Variants in ASCC2 observed in about 807,000 individuals in gnomAD.
ASCC2 encodes the protein ASC-1 complex subunit P100.
In ASCC2, 42 loss-of-function variants were observed where a neutral mutation model predicts 93.5. That is an observed-to-expected ratio of 0.45 (90% CI 0.35 to 0.58). The LOEUF is 0.58. ASCC2 is among the 20% of genes least tolerant of loss of function. The pLI is 0.00. For synonymous variants in ASCC2, 364 were observed against 384.2 expected, an observed-to-expected ratio of 0.95 and a Z score of 0.62; for missense variants, 859 against 977.6, an observed-to-expected ratio of 0.88 and a Z score of 1.62.
chr22:29,804,065 G>C (rs960333259), intron 13 of ASCC2, among the ~76,000 whole-genome samples: 1 of 152,226 alleles, frequency 6.6e-6, no homozygotes, highest in Non-Finnish European at 1.5e-5. Context: ...GAGCTGCCTC[G>C]CCTGAGTCTG....
intron 5 of ASCC2, among the ~76,000 whole-genome samples, chr22:29,817,122 C>A (rs890634464): frequency 6.6e-6 from 1 of 152,136 alleles, no homozygotes; most frequent in Non-Finnish European, 1.5e-5. Flanking sequence ...TAAGCACTTT[C>A]CTGGATGCCA....
At chr22:29,833,551 G>GTGA in intron 1 of ASCC2, 1 of 470,790 alleles carries the variant, frequency 2.1e-6, no homozygotes, top group Non-Finnish European at 4.4e-6. Context: ...CTCACAGTCA[G>GTGA]TGAGTGGCAG....
chr22:29,796,131 C>T (rs1186471358), intron 15 of ASCC2, among the ~76,000 whole-genome samples: 5 of 150,432 alleles, frequency 3.3e-5, no homozygotes, highest in Admixed American at 6.6e-5. Flanking sequence ...TTTTTTGAGA[C>T]GGACTCTTGC....
intron 5 of ASCC2, 182 bp downstream of exon 5, chr22:29,822,153 G>A (rs934852273): frequency 1.4e-6 from 1 of 723,778 alleles, no homozygotes; most frequent in Non-Finnish European, 2.3e-6. Flanking sequence ...CACCTCCCTA[G>A]GTAGTGTCAC....
intron 8 of ASCC2, among the ~76,000 whole-genome samples, chr22:29,808,746 A>G (rs1357835967): frequency 6.6e-6 from 1 of 150,972 alleles, no homozygotes; most frequent in African/African-American, 2.4e-5. Context: ...CAGGAGGTCA[A>G]GGCTATAGTG....
At chr22:29,805,087 T>C (rs2059526238) in intron 12 of ASCC2, among the ~76,000 whole-genome samples, 1 of 152,012 alleles carries the variant, frequency 6.6e-6, no homozygotes, top group African/African-American at 2.4e-5. Context: ...GCCATCAGAG[T>C]GTCCTGGGGC....
chr22:29,806,639 C>T, intron 10 of ASCC2, 86 bp from the exon 11 acceptor site: 1 of 1,475,280 alleles, frequency 6.8e-7, no homozygotes, highest in Admixed American at 1.8e-5. Context: ...CTCTTTAAGG[C>T]TGGGGCCCAG....
intron 5 of ASCC2, among the ~76,000 whole-genome samples, chr22:29,820,204 C>T (rs1194534309): frequency 6.6e-6 from 1 of 152,012 alleles, no homozygotes; most frequent in African/African-American, 2.4e-5. Context: ...GCACTGTCAC[C>T]CAGGCTGGAG....
intron 4 of ASCC2, among the ~76,000 whole-genome samples, chr22:29,824,111 C>A (rs889339074): frequency 1.3e-5 from 2 of 152,046 alleles, no homozygotes; most frequent in African/African-American, 4.8e-5. Context: ...ATTCCTTGAG[C>A]TCAGGAGTTT....
At chr22:29,801,954 G>A (rs916216044) in intron 14 of ASCC2, 40 bp downstream of exon 14, 5 of 1,538,694 alleles carry the variant, frequency 3.2e-6, no homozygotes, top group Non-Finnish European at 4.4e-6. Flanking sequence ...CCCCGAGGCA[G>A]CCTGGGCAGC....
chr22:29,817,476 C>T (rs919006035), intron 5 of ASCC2, among the ~76,000 whole-genome samples: 1 of 152,142 alleles, frequency 6.6e-6, no homozygotes, highest in Non-Finnish European at 1.5e-5. Context: ...CTGTCCCCGC[C>T]TTCTGTTTGG....
intron 4 of ASCC2, among the ~76,000 whole-genome samples, chr22:29,823,537 T>A (rs891847024): frequency 6.6e-6 from 1 of 152,228 alleles, no homozygotes; most frequent in Non-Finnish European, 1.5e-5. Context: ...GGATTCACTG[T>A]ACTTTGTATA....
chr22:29,823,800 T>C (rs2061910073), intron 4 of ASCC2, among the ~76,000 whole-genome samples: 1 of 149,008 alleles, frequency 6.7e-6, no homozygotes, highest in African/African-American at 2.5e-5. Context: ...TGAGCAGAGA[T>C]CATGCCATTG....
intron 12 of ASCC2, among the ~76,000 whole-genome samples, chr22:29,805,846 G>A (rs2059609847): frequency 6.6e-6 from 1 of 151,540 alleles, no homozygotes; most frequent in African/African-American, 2.4e-5. Context: ...AGCTCTGCTG[G>A]GTGAGGCGCC....
chr22:29,807,085 CA>C (rs2059755578), intron 9 of ASCC2, among the ~76,000 whole-genome samples, 181 bp from the exon 10 acceptor site: 1 of 151,604 alleles, frequency 6.6e-6, no homozygotes, highest in Admixed American at 6.6e-5. Context: ...ACAAAAAATA[CA>C]AAAAATTAGT....
Position 29,825,369 on chromosome 22 carries a change from C to T in ASCC2, c.241-112G>A, listed in dbSNP as rs959871145. ...CAGCCCTGCCCTATTCCAAACACTC[C>T]GACCCCAAGGGACCAAGGAGGTATG... is the stretch of plus-strand genomic sequence containing the variant. On this transcript the variant is annotated intron_variant, in intron 3 of 19. Coordinates refer to ENST00000307790, the MANE Select transcript of ASCC2 (RefSeq NM_032204.5). The surrounding 1 kb of genome is among the most constrained non-coding windows in gnomAD (Gnocchi z 4.9). 26 of 1,357,318 alleles carry T rather than the reference C, an allele frequency of 1.9e-5. No individual in the cohort carries two copies. The East Asian group carries it at 2.8e-4, about 15-fold the overall frequency. 84.1% of individuals were successfully genotyped at this position (1,357,318 alleles called of 1,614,324 possible).
At chr22:29,830,918 G>A (rs1475287505) in intron 2 of ASCC2, among the ~76,000 whole-genome samples, 1 of 152,188 alleles carries the variant, frequency 6.6e-6, no homozygotes, top group Non-Finnish European at 1.5e-5. Flanking sequence ...TGTTCATTCG[G>A]TATGTGGGGA....
intron 2 of ASCC2, chr22:29,827,537 T>C (rs1178870741): frequency 2.1e-6 from 1 of 470,190 alleles, no homozygotes; most frequent in Non-Finnish European, 4.4e-6. Flanking sequence ...CCACCTCTCA[T>C]GTGGGTCTGC....
chr22:29,809,292 C>A (rs1480740398), intron 8 of ASCC2, among the ~76,000 whole-genome samples: 1 of 151,490 alleles, frequency 6.6e-6, no homozygotes, highest in Non-Finnish European at 1.5e-5. Flanking sequence ...GTAAATGTAT[C>A]ATATTTTCTA....
Sources: allele counts gnomAD v4.1 joint callset (sites outside exome capture counted in the v4.1 genomes callset), GRCh38; gene constraint gnomAD v4.1.1; non-coding constraint Gnocchi (gnomAD v3.1); transcripts MANE v1.5; gene names NCBI Gene and HGNC (gene_info 2026-07-23, HGNC 2026-07-21).